AGGF1: variants seen among roughly 807,000 people sequenced by gnomAD.
AGGF1 encodes the protein angiogenic factor with G-patch and FHA domains 1, also known as angiogenic factor with G patch and FHA domains 1.
AGGF1 carries 56 observed loss-of-function variants against 86.5 expected under a neutral mutation model. That is an observed-to-expected ratio of 0.65 (90% CI 0.52 to 0.81). The LOEUF (loss-of-function observed/expected upper bound fraction) is 0.81. Ranked by LOEUF, AGGF1 falls within the 30% of genes least tolerant of loss-of-function variation. The pLI, the probability that AGGF1 is intolerant of heterozygous loss-of-function variation, is 0.00. For synonymous variants in AGGF1, 313 were observed against 297.1 expected (o/e 1.05, Z -0.55); for missense variants, 816 against 850.9 (o/e 0.96, Z 0.51).
Position 77,046,797 on chromosome 5 carries a change from A to G in AGGF1, c.1201+120A>G, listed in dbSNP as rs961621446. 3.9e-6 allele frequency: 4 copies of G among 1,013,386 alleles called. No homozygotes were observed. The African/African-American group carries it at 6.4e-5, about 16-fold the overall frequency. 62.8% of individuals were successfully genotyped at this position (1,013,386 alleles called of 1,614,324 possible). On this transcript the variant is annotated intron_variant, in intron 6 of 13. Transcript: ENST00000312916. ...CCAGAAAGTAAACATTATTTTAATGATGTTATTGAAAATGTTGTGGGTTGC... is the reference window on the plus strand; with the variant it reads ...CCAGAAAGTAAACATTATTTTAATGGTGTTATTGAAAATGTTGTGGGTTGC...
intron 6 of AGGF1, among the ~76,000 whole-genome samples, chr5:77,047,636 C>T (rs577409459): frequency 2.6e-5 from 4 of 152,154 alleles, no homozygotes; most frequent in South Asian, 4.2e-4. Flanking sequence ...GCCTCAGCCT[C>T]CCAAGTTGCT....
chr5:77,061,006 C>A (rs372699449), intron 12 of AGGF1, among the ~76,000 whole-genome samples: 1 of 152,090 alleles, frequency 6.6e-6, no homozygotes, highest in African/African-American at 2.4e-5. Flanking sequence ...CTTAAATTAG[C>A]AGAGTATAGA....
In AGGF1 at chr5:77,063,104, C is replaced by T. The variant is rs762424751; in HGVS notation, c.1997C>T (p.Ser666Phe). ...GCAGGCTTGGGGACAGGCAAACCAT[C>T]CTCATTTGAAGATGTTCACCTTCTC... ...THAGLGTGKP[S>F]SFEDVHLLQN... Residue 666 changes from serine (S) to phenylalanine (F), a missense_variant, in exon 14 of 14, where the codon TCC becomes TTC. This residue lies in a region of AGGF1 where 565 missense variants were observed against 585.8 expected (regional missense o/e 0.96). Coordinates refer to ENST00000312916, the MANE Select transcript of AGGF1 (RefSeq NM_018046.5). 6.2e-7 allele frequency: 1 copy of T among 1,613,996 alleles called. No homozygotes were observed. The highest frequency in any genetic ancestry group is 8.5e-7 in the Non-Finnish European group (1 of 1,179,990).
chr5:77,058,830 A>G (rs1293391645), intron 11 of AGGF1, among the ~76,000 whole-genome samples: 1 of 152,198 alleles, frequency 6.6e-6, no homozygotes, highest in East Asian at 1.9e-4. Flanking sequence ...CACCTTGTGT[A>G]TACCTTTATT....
intron 5 of AGGF1, among the ~76,000 whole-genome samples, chr5:77,042,081 T>C (rs1217916835): frequency 1.5e-3 from 229 of 151,800 alleles, no homozygotes; most frequent in African/African-American, 5.4e-3. Flanking sequence ...TTAATCCTTT[T>C]AACCCTGAGT....
In AGGF1 at chr5:77,054,096, C is replaced by T; in HGVS notation, c.1599C>T (p.Ala533=). The change falls in exon 10 of 14, where the codon GCC becomes GCT. Residue 533 remains alanine, a synonymous_variant. Coordinates refer to ENST00000312916, the MANE Select transcript of AGGF1 (RefSeq NM_018046.5). ...GCTGTGAACCAGGGCAGGTTAGAGCCCACCTTCGCCTTGATAAGAAAGATG... is the reference window on the plus strand; with the variant it reads ...GCTGTGAACCAGGGCAGGTTAGAGCTCACCTTCGCCTTGATAAGAAAGATG... ...CDGCEPGQVR[A]HLRLDKKDES... is the part of the protein sequence containing the mutation. 1.2e-6 allele frequency: 2 copies of T among 1,614,074 alleles called. No homozygotes were observed. The highest frequency in any genetic ancestry group is 1.6e-4 in the Middle Eastern group (1 of 6,062).
intron 5 of AGGF1, among the ~76,000 whole-genome samples, chr5:77,040,889 G>C (rs1011664652): frequency 5.3e-5 from 8 of 152,070 alleles, no homozygotes; most frequent in Non-Finnish European, 1.0e-4. Context: ...TTTGAGACAG[G>C]GTCTTGCTCT....
Position 77,030,530 on chromosome 5 carries a change from G to A in AGGF1, c.-237G>A, listed in dbSNP as rs1424659541. 1 of 687,674 alleles carries A rather than the reference G, an allele frequency of 1.5e-6. No individual in the cohort carries two copies. Among genetic ancestry groups the A allele is most frequent in the African/African-American group, 1.8e-5 (1 of 56,822 alleles). 42.6% of individuals were successfully genotyped at this position (687,674 alleles called of 1,614,324 possible). On this transcript the variant is annotated 5_prime_UTR_variant, in exon 1 of 14. Transcript: ENST00000312916. ...AAGGTAGTTTCCAGGAAAGTTTTCC[G>A]GTTTGCAGGCCGCGCACATCGGGCA...
chr5:77,058,731 T>TATA (rs1182474714), intron 11 of AGGF1, among the ~76,000 whole-genome samples: 1 of 152,196 alleles, frequency 6.6e-6, no homozygotes, highest in Non-Finnish European at 1.5e-5. Context: ...TATCATACTT[T>TATA]TTATATAAAG....
chr5:77,051,474 C>G (rs557410951), intron 8 of AGGF1, among the ~76,000 whole-genome samples: 1 of 150,946 alleles, frequency 6.6e-6, no homozygotes, highest in East Asian at 1.9e-4. Flanking sequence ...CCAGGAAATG[C>G]AAGTTAAAAT....
chr5:77,042,697 A>C (rs1747131622), intron 5 of AGGF1, among the ~76,000 whole-genome samples: 1 of 19,892 alleles, frequency 5.0e-5, no homozygotes, highest in Admixed American at 5.6e-4. Context: ...CTCACTTCCC[A>C]GTAGGGGCGG....
chr5:77,055,527 A>G lies in AGGF1; in HGVS notation c.1647A>G (p.Leu549=). ...TTTTTCTTTCAGTTGGTCCAACACT[A>G]AGTAAGGAGGAAAAAGAGTTGGAAA... ...KKDESFVGPT[L]SKEEKELERR... is the part of the protein sequence containing the mutation. Residue 549 remains leucine (L), a synonymous_variant, in exon 11 of 14, where the codon CTA becomes CTG. Transcript: ENST00000312916. 2.5e-6 allele frequency: 4 copies of G among 1,602,016 alleles called. No homozygotes were observed. The African/African-American group carries it at 4.0e-5, about 16-fold the overall frequency.
Position 77,030,520 on chromosome 5 carries a change from A to G in AGGF1, c.-247A>G, listed in dbSNP as rs967524592. The G allele has an allele frequency of 1.5e-6, 1 of 679,380 alleles. No individual in the cohort carries two copies. The highest frequency in any genetic ancestry group is 1.8e-5 in the African/African-American group (1 of 56,526). The allele number at this position is 679,380 out of a possible 1,614,324, so 42.1% of individuals were successfully genotyped here. On this transcript the variant is annotated 5_prime_UTR_variant, in exon 1 of 14. Transcript: ENST00000312916. ...GTAGCTGGAGAAGGTAGTTTCCAGG[A>G]AAGTTTTCCGGTTTGCAGGCCGCGC...
rs1024046620 is a variant in AGGF1 at position 77,046,904 on chromosome 5, A to G, written c.1201+227A>G. The stretch of plus-strand genomic sequence containing the variant: ...AGAAGGTTTCATTGTATTGAATGGC[A>G]TAGTCAGTAGAATACAAAGCCAGGT... On this transcript the variant is annotated intron_variant, in intron 6 of 13. Transcript: ENST00000312916. 2.0e-4 allele frequency among the ~76,000 whole-genome samples: 30 copies of G among 152,208 alleles called. 1 individual carries two copies. The highest frequency in any genetic ancestry group is 2.2e-4 in the Non-Finnish European group (15 of 68,026).
chr5:77,048,944 A>T lies in AGGF1; in HGVS notation c.1322A>T (p.Asp441Val). 6.2e-7 allele frequency: 1 copy of T among 1,613,780 alleles called. No individual in the cohort carries two copies. Among genetic ancestry groups the T allele is most frequent in the Non-Finnish European group, 8.5e-7 (1 of 1,179,844 alleles). The change falls in exon 8 of 14, where the codon GAT becomes GTT. Residue 441 changes from aspartate (D) to valine (V), a missense_variant. This residue lies in a region of AGGF1 where 565 missense variants were observed against 585.8 expected (regional missense o/e 0.96). Coordinates refer to ENST00000312916, the MANE Select transcript of AGGF1 (RefSeq NM_018046.5). ...VNPATIGREK[D>V]MEHTLRIPEV... ...TTTACTTAACTCTGCAGAGAAAAGG[A>T]TATGGAACATACTCTCCGAATCCCT... is the stretch of plus-strand genomic sequence containing the variant.
At chr5:77,055,321 C>G (rs937159550) in intron 10 of AGGF1, among the ~76,000 whole-genome samples, 193 bp from the exon 11 acceptor site, 2 of 152,084 alleles carry the variant, frequency 1.3e-5, no homozygotes, top group African/African-American at 2.4e-5. Context: ...CTTTACTTCT[C>G]AATTAGGTTT....
At chr5:77,039,219 T>A (rs1747020415) in intron 4 of AGGF1, among the ~76,000 whole-genome samples, 1 of 152,152 alleles carries the variant, frequency 6.6e-6, no homozygotes, top group African/African-American at 2.4e-5. Flanking sequence ...ATTTTTTTAA[T>A]GTATTAAGTG....
chr5:77,046,840 A>G (rs1330122493), intron 6 of AGGF1, among the ~76,000 whole-genome samples, 163 bp downstream of exon 6: 1 of 152,206 alleles, frequency 6.6e-6, no homozygotes, highest in South Asian at 2.1e-4. Flanking sequence ...TTATTCTTAG[A>G]GAGTAGGATG....
Position 77,035,688 on chromosome 5 carries a change from A to G in AGGF1, c.461A>G (p.Asp154Gly). Residue 154 changes from aspartate (D) to glycine (G), a missense_variant, in exon 3 of 14, where the codon GAT becomes GGT. Physicochemically the swap from Asp to Gly is moderately conservative, Grantham distance 94 (BLOSUM62 -1). Transcript: ENST00000312916. ...QVENDAYPGT[D>G]RTENVKYRQV... Reference sequence around the variant, plus strand: ...GAAAATGATGCTTACCCTGGTACCGATAGAACAGAAAATGTTAAATATAGA... The same window carrying G: ...GAAAATGATGCTTACCCTGGTACCGGTAGAACAGAAAATGTTAAATATAGA... 6.2e-7 allele frequency: 1 copy of G among 1,613,722 alleles called. No individual in the cohort carries two copies. The highest frequency in any genetic ancestry group is 2.2e-5 in the East Asian group (1 of 44,774).
Sources: allele counts gnomAD v4.1 joint callset (sites outside exome capture counted in the v4.1 genomes callset), GRCh38; gene constraint gnomAD v4.1.1; regional missense constraint gnomAD v4.1.1; transcripts MANE v1.5; gene names NCBI Gene and HGNC (gene_info 2026-07-23, HGNC 2026-07-21).